Variants in NEBL observed in about 807,000 individuals in gnomAD.
The protein encoded by NEBL is nebulette.
Under a neutral mutation model 140.2 loss-of-function variants are expected in NEBL, and 122 were observed. The observed-to-expected ratio is 0.87, with a 90% CI of 0.75 to 1.01. The LOEUF is 1.01. Among genes scored for constraint, NEBL ranks in the 50% least tolerant of loss-of-function variants. The pLI, the probability that NEBL is intolerant of heterozygous loss-of-function variation, is 0.00. For synonymous variants in NEBL, 436 were observed against 398.9 expected (o/e 1.09, Z -1.11); for missense variants, 1,365 against 1,231.3 (o/e 1.11, Z -1.62).
chr10:21,156,419 G>A (rs1367057188), intron 2 of NEBL, among the ~76,000 whole-genome samples: 1 of 152,162 alleles, frequency 6.6e-6, no homozygotes, highest in Non-Finnish European at 1.5e-5. Flanking sequence ...TCAAAGTCAG[G>A]AGCAAACATG....
intron 2 of NEBL, among the ~76,000 whole-genome samples, chr10:21,142,831 ATC>A (rs1398968146): frequency 6.6e-6 from 1 of 152,030 alleles, no homozygotes; most frequent in Non-Finnish European, 1.5e-5. Flanking sequence ...ATGCCTGAAG[ATC>A]TGAGGTGGGA....
At chr10:20,900,083 CA>C (rs1847793628), upstream of NEBL, among the ~76,000 whole-genome samples, 2 of 152,156 alleles carry the variant, frequency 1.3e-5, no homozygotes, top group South Asian at 4.1e-4. Flanking sequence ...TCGACTTTTC[CA>C]AAAACCAAGC....
At chr10:20,823,378 C>G in intron 18 of NEBL, 78 bp from the exon 19 acceptor site, 2 of 1,044,484 alleles carry the variant, frequency 1.9e-6, no homozygotes, top group Non-Finnish European at 1.4e-6. Context: ...TCAATTGTAA[C>G]TATTGCATAA....
chr10:21,099,733 G>A (rs1837385185), intron 2 of NEBL, among the ~76,000 whole-genome samples: 1 of 152,144 alleles, frequency 6.6e-6, no homozygotes, highest in South Asian at 2.1e-4. Context: ...GAAAGACTGT[G>A]AGCCAGGAAA....
chr10:21,175,691 A>G (rs189734800), upstream of NEBL, among the ~76,000 whole-genome samples: 1,083 of 152,382 alleles, frequency 7.1e-3, 13 homozygotes, highest in African/African-American at 0.024. Flanking sequence ...CCATGTTCAC[A>G]AGTCCACCTC....
At chr10:20,961,863 T>C in intron 3 of NEBL, 1 of 996,322 alleles carries the variant, frequency 1.0e-6, no homozygotes, top group Admixed American at 1.8e-5. Flanking sequence ...GCTGCTGGAA[T>C]TGGAAACAAT....
chr10:20,790,609 A>C (rs566146086), intron 26 of NEBL, among the ~76,000 whole-genome samples: 15 of 151,902 alleles, frequency 9.9e-5, no homozygotes, highest in South Asian at 6.2e-4. Context: ...TCAAAAAAAA[A>C]AAAACAAAAC....
At chr10:20,895,388 T>C (rs1847390038) in intron 2 of NEBL, among the ~76,000 whole-genome samples, 1 of 152,172 alleles carries the variant, frequency 6.6e-6, no homozygotes. Flanking sequence ...AACTTGGCAG[T>C]GTAAAGAGGG....
At chr10:21,120,424 A>ATATATATATATATAT (rs58547343) in intron 2 of NEBL, among the ~76,000 whole-genome samples, 66 of 133,402 alleles carry the variant, frequency 4.9e-4, no homozygotes, top group Middle Eastern at 3.8e-3. Flanking sequence ...ATATATATAT[A>ATATATATATATATAT]AATTTGATCA....
intron 2 of NEBL, among the ~76,000 whole-genome samples, chr10:21,108,037 A>G (rs1043351547): frequency 3.3e-5 from 5 of 151,580 alleles, no homozygotes; most frequent in African/African-American, 4.9e-5. Flanking sequence ...TTTTTATTGC[A>G]TCTATTTGAT....
intron 23 of NEBL, 112 bp from the exon 24 acceptor site, chr10:20,813,052 G>T: frequency 2.3e-6 from 2 of 873,980 alleles, no homozygotes; most frequent in South Asian, 1.4e-5. Context: ...TTGTCTACAT[G>T]TATGTATCTT....
chr10:21,162,806 A>G (rs1840608746), intron 2 of NEBL, among the ~76,000 whole-genome samples: 1 of 152,260 alleles, frequency 6.6e-6, no homozygotes, highest in African/African-American at 2.4e-5. Flanking sequence ...GATTCAGAAT[A>G]TCTTCACAAA....
At chr10:20,928,300 C>G (rs1384740560) in intron 4 of NEBL, among the ~76,000 whole-genome samples, 1 of 152,322 alleles carries the variant, frequency 6.6e-6, no homozygotes, top group Middle Eastern at 3.4e-3. Context: ...TTCTCAGTTA[C>G]ACCAGCCACC....
At chr10:21,181,654 G>A (rs1841389797) in intron 3 of NEBL, among the ~76,000 whole-genome samples, 1 of 152,190 alleles carries the variant, frequency 6.6e-6, no homozygotes, top group South Asian at 2.1e-4. Flanking sequence ...GACACCACGT[G>A]CTGCTTTTCA....
intron 4 of NEBL, among the ~76,000 whole-genome samples, chr10:20,935,121 C>T (rs59891843): frequency 2.0e-5 from 3 of 152,224 alleles, no homozygotes; most frequent in Non-Finnish European, 2.9e-5. Context: ...CCACAGTCTA[C>T]CTGGCTAGAA....
At chr10:20,818,849 T>C (rs1838990471) in intron 20 of NEBL, 1 of 990,242 alleles carries the variant, frequency 1.0e-6, no homozygotes, top group African/African-American at 1.7e-5. Flanking sequence ...AACAAGGAAA[T>C]GTGAAAAGGA....
At chr10:21,022,703 C>T (rs1838846292) in intron 2 of NEBL, among the ~76,000 whole-genome samples, 1 of 152,128 alleles carries the variant, frequency 6.6e-6, no homozygotes, top group Non-Finnish European at 1.5e-5. Context: ...TATTATCAGA[C>T]CATGATACAA....
intron 2 of NEBL, among the ~76,000 whole-genome samples, chr10:21,024,436 TG>T (rs766674634): frequency 4.6e-5 from 7 of 150,586 alleles, no homozygotes; most frequent in Non-Finnish European, 8.9e-5. Flanking sequence ...AGAACTAAAA[TG>T]AATTAAAACC....
intron 16 of NEBL, among the ~76,000 whole-genome samples, chr10:20,830,185 A>G (rs1840269554): frequency 6.6e-6 from 1 of 152,202 alleles, no homozygotes; most frequent in African/African-American, 2.4e-5. Flanking sequence ...CTTTTGAACT[A>G]GTGGATGGTT....
Sources: gnomAD v4.1 joint callset for allele counts (sites outside exome capture counted in the v4.1 genomes callset) on GRCh38, gnomAD v4.1.1 for gene constraint, MANE v1.5 for transcripts, NCBI Gene and HGNC (gene_info 2026-07-23, HGNC 2026-07-21) for gene names.